The following CEP128 variants were observed in gnomAD, a reference collection of about 807,000 sequenced individuals.
The protein encoded by CEP128 is centrosomal protein 128kDa.
In CEP128, 132 loss-of-function variants were observed where a neutral mutation model predicts 156.7. That is an observed-to-expected ratio of 0.84 (90% confidence interval 0.73 to 0.97). The LOEUF (loss-of-function observed/expected upper bound fraction) is 0.97. CEP128 is among the 50% of genes least tolerant of loss of function. The pLI is 0.00. For missense variants in CEP128, 1,252 were observed against 1,281.9 expected (o/e 0.98, Z 0.36); for synonymous variants, 469 against 448.9 (o/e 1.04, Z -0.57).
intron 23 of CEP128, among the ~76,000 whole-genome samples, chr14:80,522,769 T>C (rs890290201): frequency 1.6e-4 from 25 of 152,348 alleles, no homozygotes; most frequent in Admixed American, 7.2e-4. Flanking sequence ...AGGAAGCCTG[T>C]ATGTCCTACA....
intron 13 of CEP128, among the ~76,000 whole-genome samples, chr14:80,818,856 T>G (rs533428539): frequency 6.4e-4 from 97 of 152,364 alleles, no homozygotes; most frequent in African/African-American, 2.3e-3. Flanking sequence ...TTTAAAGATA[T>G]TTCAGCTACT....
At chr14:80,638,605 C>A (rs1894286810) in intron 19 of CEP128, among the ~76,000 whole-genome samples, 1 of 152,178 alleles carries the variant, frequency 6.6e-6, no homozygotes, top group Non-Finnish European at 1.5e-5. Context: ...ACTTTTCATA[C>A]CACCTGATTT....
At chr14:80,636,823 A>AGTG (rs1566825999) in intron 19 of CEP128, among the ~76,000 whole-genome samples, 1 of 152,164 alleles carries the variant, frequency 6.6e-6, no homozygotes, top group East Asian at 1.9e-4. Flanking sequence ...ACGGTGGCTC[A>AGTG]CACCTGTAAT....
chr14:80,571,421 T>C (rs1000176036), intron 20 of CEP128, among the ~76,000 whole-genome samples: 1 of 152,254 alleles, frequency 6.6e-6, no homozygotes, highest in African/African-American at 2.4e-5. Flanking sequence ...CATTACATGT[T>C]ATTTATTAAC....
chr14:80,859,290 C>A (rs1259527246), intron 9 of CEP128, among the ~76,000 whole-genome samples: 1 of 148,408 alleles, frequency 6.7e-6, no homozygotes. Flanking sequence ...AGTAAACTAT[C>A]GCAAGAACAA....
At chr14:80,697,146 A>T (rs934065179) in intron 19 of CEP128, among the ~76,000 whole-genome samples, 2 of 152,086 alleles carry the variant, frequency 1.3e-5, no homozygotes, top group Non-Finnish European at 2.9e-5. Flanking sequence ...AATGTTAGCA[A>T]CTGAAATTTA....
intron 10 of CEP128, among the ~76,000 whole-genome samples, chr14:80,838,975 C>T (rs181868535): frequency 2.6e-5 from 4 of 152,094 alleles, no homozygotes; most frequent in South Asian, 2.1e-4. Flanking sequence ...GGCAGACACC[C>T]GTAATCCCAG....
At chr14:80,504,875 T>C (rs1162541983) in intron 24 of CEP128, 37 bp downstream of exon 24, 1 of 1,159,790 alleles carries the variant, frequency 8.6e-7, no homozygotes, top group Non-Finnish European at 1.2e-6. Flanking sequence ...TTTTCTTAAA[T>C]CTAATTTAAA....
intron 13 of CEP128, among the ~76,000 whole-genome samples, chr14:80,818,200 A>T (rs910740184): frequency 3.9e-5 from 6 of 152,082 alleles, no homozygotes; most frequent in Admixed American, 3.9e-4. Context: ...TTGCTTTTAC[A>T]TAGAGACAGG....
intron 16 of CEP128, among the ~76,000 whole-genome samples, chr14:80,770,813 T>C (rs528913879): frequency 6.6e-5 from 10 of 152,220 alleles, no homozygotes; most frequent in Non-Finnish European, 1.2e-4. Context: ...TGCCTAAAAA[T>C]GGTCTAAAGT....
At chr14:80,645,922 T>C (rs2140817740) in intron 19 of CEP128, among the ~76,000 whole-genome samples, 1 of 152,194 alleles carries the variant, frequency 6.6e-6, no homozygotes, top group East Asian at 1.9e-4. Flanking sequence ...TGAAAAGACA[T>C]AGAGAAAACT....
chr14:80,932,234 C>T (rs1338626055), intron 2 of CEP128, among the ~76,000 whole-genome samples: 1 of 152,214 alleles, frequency 6.6e-6, no homozygotes, highest in Non-Finnish European at 1.5e-5. Context: ...TTATAAATTA[C>T]CCAGTCTCGG....
At chr14:80,533,238 C>T (rs1296656338) in intron 21 of CEP128, among the ~76,000 whole-genome samples, 1 of 151,906 alleles carries the variant, frequency 6.6e-6, no homozygotes, top group Non-Finnish European at 1.5e-5. Flanking sequence ...AAAGCAATGC[C>T]CTGATGATTT....
At chr14:80,796,886 A>G (rs2139863820) in intron 13 of CEP128, among the ~76,000 whole-genome samples, 2 of 152,330 alleles carry the variant, frequency 1.3e-5, no homozygotes, top group Middle Eastern at 6.8e-3. Flanking sequence ...TCTGAGGACC[A>G]ACTCCTAACA....
At chr14:80,763,615 T>C (rs1268344386) in intron 16 of CEP128, among the ~76,000 whole-genome samples, 1 of 152,180 alleles carries the variant, frequency 6.6e-6, no homozygotes, top group African/African-American at 2.4e-5. Flanking sequence ...CCATAGTATA[T>C]TAGGTATATC....
chr14:80,590,268 G>A (rs560511516), intron 19 of CEP128, among the ~76,000 whole-genome samples: 15 of 152,138 alleles, frequency 9.9e-5, no homozygotes, highest in African/African-American at 1.4e-4. Flanking sequence ...ATGTGAACCC[G>A]AAAGAAGATA....
chr14:80,641,782 TA>T lies in CEP128; in HGVS notation c.2807-61360del, dbSNP rs200207460. Among the ~76,000 whole-genome samples, 260 of 152,234 alleles carry T rather than the reference TA, an allele frequency of 1.7e-3. 5 individuals carry two copies. The East Asian group carries it at 0.034, about 20-fold the overall frequency. On this transcript the variant is annotated intron_variant, in intron 19 of 24. Transcript: ENST00000555265. The stretch of plus-strand genomic sequence containing the variant: ...AAATAGCCGTACCAGAACAGCTTAG[TA>T]ATACAATTCAATTAAATTAAGCAAT...
intron 9 of CEP128, among the ~76,000 whole-genome samples, chr14:80,849,157 G>A (rs568835235): frequency 3.3e-5 from 5 of 152,014 alleles, no homozygotes; most frequent in Non-Finnish European, 7.4e-5. Context: ...AAAAGGAGAG[G>A]CAAAGACATA....
At chr14:80,784,248 T>C (rs1303680949) in intron 15 of CEP128, among the ~76,000 whole-genome samples, 4 of 128,392 alleles carry the variant, frequency 3.1e-5, no homozygotes, top group African/African-American at 1.2e-4. Flanking sequence ...AAAAAATAAA[T>C]AATATGGAAT....
Sources: allele counts gnomAD v4.1 joint callset (sites outside exome capture counted in the v4.1 genomes callset), GRCh38; gene constraint gnomAD v4.1.1; transcripts MANE v1.5; gene names NCBI Gene and HGNC (gene_info 2026-07-23, HGNC 2026-07-21).